DMD: variants seen among roughly 807,000 people sequenced by gnomAD.
The protein encoded by DMD is mutant dystrophin.
Under a neutral mutation model 330.1 loss-of-function variants are expected in DMD, and 63 were observed. The observed-to-expected ratio is 0.19, with a 90% CI of 0.16 to 0.24. DMD has a LOEUF of 0.24. Among genes scored for constraint, DMD ranks in the 10% least tolerant of loss-of-function variants. The pLI, the probability that DMD is intolerant of heterozygous loss-of-function variation, is 1.00. For missense variants in DMD, 3,344 were observed against 2,684.1 expected, an observed-to-expected ratio of 1.25 and a Z score of -5.43; for synonymous variants, 1,223 against 959.8, an observed-to-expected ratio of 1.27 and a Z score of -5.07.
chrX:32,835,030 C>T (rs1256063650), intron 4 of DMD, among the ~76,000 whole-genome samples: 1 of 111,010 alleles, frequency 9.0e-6, no homozygotes, highest in Non-Finnish European at 1.9e-5. Flanking sequence ...TTTCTAAGTT[C>T]CTTTACCAGA....
At chrX:32,817,041 G>A (rs986822731) in intron 5 of DMD, among the ~76,000 whole-genome samples, 1 of 111,166 alleles carries the variant, frequency 9.0e-6, no homozygotes, top group Non-Finnish European at 1.9e-5. Context: ...ATAGATAATT[G>A]TTTTTTAAAG....
intron 1 of DMD, among the ~76,000 whole-genome samples, chrX:33,086,825 A>T (rs749939142): frequency 7.4e-5 from 8 of 108,779 alleles, no homozygotes; most frequent in African/African-American, 1.7e-4. Flanking sequence ...ATATACATAG[A>T]GAGCGATAGA....
intron 20 of DMD, among the ~76,000 whole-genome samples, chrX:32,488,156 C>A (rs1386321616): frequency 2.7e-5 from 3 of 111,766 alleles, no homozygotes; most frequent in Non-Finnish European, 5.7e-5. Context: ...GAGAATAAAT[C>A]ATAGAAGAGA....
At chrX:32,386,548 C>A in intron 32 of DMD, 83 bp from the exon 33 acceptor site, 1 of 869,868 alleles carries the variant, frequency 1.1e-6, no homozygotes, top group Admixed American at 2.6e-5. Flanking sequence ...AAATAGAGAT[C>A]CCCTTAATTG....
At position 32,696,520 on chromosome X, in the gene DMD, G is replaced by T. The variant is rs940639089; in HGVS notation, c.960+1350C>A. Among the ~76,000 whole-genome samples, 3 of 111,889 alleles carry T rather than the reference G, an allele frequency of 2.7e-5. No homozygotes were observed. The Admixed American group carries it at 2.9e-4, about 11-fold the overall frequency. On this transcript the variant is annotated intron_variant, in intron 9 of 78. Coordinates refer to ENST00000357033, the MANE Select transcript of DMD (RefSeq NM_004006.3). ...TGTATTTGGTAATATTTACACAAAG[G>T]TAGAATGAGCAGAGCCTAGCAAGAT... is the stretch of plus-strand genomic sequence containing the variant.
intron 19 of DMD, among the ~76,000 whole-genome samples, chrX:32,497,995 A>G (rs2043666613): frequency 8.9e-6 from 1 of 112,243 alleles, no homozygotes; most frequent in Admixed American, 9.5e-5. Context: ...ATTTAAATTA[A>G]GAAATGTAAA....
chrX:32,652,168 G>C (rs141964813), intron 9 of DMD, among the ~76,000 whole-genome samples: 6,831 of 110,186 alleles, frequency 0.062, 166 homozygotes, highest in Middle Eastern at 0.093. Flanking sequence ...TAAATACTAG[G>C]GTACATGTGC....
At chrX:32,401,075 T>A (rs1334061216) in intron 30 of DMD, among the ~76,000 whole-genome samples, 4 of 106,698 alleles carry the variant, frequency 3.7e-5, no homozygotes, top group Admixed American at 2.1e-4. Flanking sequence ...GCAAACTATC[T>A]CAAGGACAAA....
intron 1 of DMD, chrX:33,128,230 G>A (rs377083295): frequency 5.2e-5 from 61 of 1,175,567 alleles, no homozygotes; most frequent in Non-Finnish European, 7.0e-5. Context: ...TTCCCTGTTG[G>A]TACTTTTCTC....
intron 2 of DMD, among the ~76,000 whole-genome samples, chrX:32,937,302 A>G (rs1371964556): frequency 9.1e-6 from 1 of 109,626 alleles, no homozygotes; most frequent in African/African-American, 3.3e-5. Flanking sequence ...ATGAAAATAA[A>G]TACTCCACCC....
intron 50 of DMD, among the ~76,000 whole-genome samples, chrX:31,794,224 T>C (rs1278258066): frequency 1.8e-5 from 2 of 111,308 alleles, no homozygotes; most frequent in East Asian, 5.6e-4. Flanking sequence ...TCTATTCATA[T>C]CCTTTCTGAA....
At chrX:32,823,718 T>C in intron 4 of DMD, among the ~76,000 whole-genome samples, 1 of 111,699 alleles carries the variant, frequency 9.0e-6, no homozygotes, top group Non-Finnish European at 1.9e-5. Context: ...TCAGAAAAAT[T>C]CACCAGTACT....
intron 1 of DMD, among the ~76,000 whole-genome samples, chrX:33,321,461 C>G (rs1353182308): frequency 9.0e-6 from 1 of 111,136 alleles, no homozygotes; most frequent in African/African-American, 3.3e-5. Context: ...AGCACAAGGT[C>G]TCAACCCCGG....
At chrX:31,882,201 ATAT>A (rs2094082301) in intron 47 of DMD, among the ~76,000 whole-genome samples, 1 of 112,095 alleles carries the variant, frequency 8.9e-6, no homozygotes, top group African/African-American at 3.2e-5. Context: ...CCAGACATGA[ATAT>A]TTATTATAAT....
intron 60 of DMD, among the ~76,000 whole-genome samples, chrX:31,367,625 T>C (rs2059332672): frequency 1.8e-5 from 2 of 111,958 alleles, no homozygotes; most frequent in African/African-American, 6.5e-5. Flanking sequence ...TAACATGTAT[T>C]GAGTGCGTGC....
intron 6 of DMD, among the ~76,000 whole-genome samples, chrX:32,813,319 C>A (rs770226352): frequency 8.9e-6 from 1 of 111,868 alleles, no homozygotes; most frequent in South Asian, 3.7e-4. Flanking sequence ...TTAATGTTAA[C>A]CTGGACCATA....
chrX:33,303,649 G>A lies in DMD; in HGVS notation c.7+35610C>T, dbSNP rs774613933. ...GTTTCCCCATGCTATTCTTGTGATA[G>A]CAAGTAAGTTCTCATGAGATCTGAT... On this transcript the variant is annotated intron_variant, in intron 1 of 17. Coordinates refer to the DMD transcript ENST00000288447. Among the ~76,000 whole-genome samples the A allele has an allele frequency of 5.4e-4, 60 of 111,253 alleles. 1 individual carries two copies. Among genetic ancestry groups the A allele is most frequent in the Non-Finnish European group, 2.5e-4 (13 of 53,054 alleles).
intron 44 of DMD, among the ~76,000 whole-genome samples, chrX:32,042,026 CATATATATATATATATATATATATATAT>C (rs57983190): frequency 1.2e-4 from 5 of 40,463 alleles, no homozygotes; most frequent in East Asian, 1.8e-3. Context: ...TCTCTCTGTT[CATATATATATATATATATATATATATAT>C]ATATATATAT....
chrX:33,311,314 T>C (rs1328911526), intron 1 of DMD, among the ~76,000 whole-genome samples: 1 of 110,145 alleles, frequency 9.1e-6, no homozygotes, highest in East Asian at 2.8e-4. Context: ...TACACACATA[T>C]GTATGCATAC....
Sources: allele counts gnomAD v4.1 joint callset (sites outside exome capture counted in the v4.1 genomes callset), GRCh38; gene constraint gnomAD v4.1.1; transcripts MANE v1.5; gene names NCBI Gene and HGNC (gene_info 2026-07-23, HGNC 2026-07-21).